The following SVOPL variants were observed in gnomAD, a reference collection of about 807,000 sequenced individuals.
SVOPL encodes putative transporter SVOPL.
Under a neutral mutation model 61.0 loss-of-function variants are expected in SVOPL, and 60 were observed. That is an observed-to-expected ratio of 0.98 (90% confidence interval 0.80 to 1.22). The LOEUF is 1.22. SVOPL is among the 50% of genes most tolerant of loss of function. The probability of loss-of-function intolerance (pLI) is 0.00; values close to 1 mark genes in which losing one functional copy is unlikely to be tolerated. For synonymous variants in SVOPL, 279 were observed against 250.0 expected (o/e 1.12, Z -1.09); for missense variants, 662 against 643.9 (o/e 1.03, Z -0.30).
chr7:138,651,791 T>C (rs945982786), intron 7 of SVOPL, among the ~76,000 whole-genome samples: 2 of 152,182 alleles, frequency 1.3e-5, no homozygotes, highest in Non-Finnish European at 2.9e-5. Flanking sequence ...CTTTGGTTTC[T>C]CTCCTCTCCT....
intron 7 of SVOPL, among the ~76,000 whole-genome samples, chr7:138,653,075 C>CA (rs1801518777): frequency 6.6e-6 from 1 of 152,186 alleles, no homozygotes; most frequent in Non-Finnish European, 1.5e-5. Context: ...GCCTAATCCA[C>CA]AGCAAGGCCC....
At chr7:138,666,196 C>T (rs995952919) in intron 4 of SVOPL, among the ~76,000 whole-genome samples, 3 of 152,226 alleles carry the variant, frequency 2.0e-5, no homozygotes, top group Non-Finnish European at 4.4e-5. Context: ...TTCCTGGATA[C>T]ACCTATGGCC....
At chr7:138,663,290 T>C in intron 4 of SVOPL, 145 bp from the exon 5 acceptor site, 2 of 1,481,894 alleles carry the variant, frequency 1.3e-6, no homozygotes, top group Non-Finnish European at 1.8e-6. Flanking sequence ...TTGGTCTTGC[T>C]TGCCCCTGAG....
chr7:138,663,240 C>T (rs535369462), intron 4 of SVOPL, 95 bp from the exon 5 acceptor site: 29 of 1,543,654 alleles, frequency 1.9e-5, no homozygotes, highest in African/African-American at 1.1e-4. Flanking sequence ...GCTGGAAATA[C>T]GGGAGGGATG....
chr7:138,637,461 T>TATATAG (rs1563108664), intron 9 of SVOPL, among the ~76,000 whole-genome samples: 12 of 13,026 alleles, frequency 9.2e-4, no homozygotes, highest in African/African-American at 2.9e-3. Context: ...GATAGATATA[T>TATATAG]ATATATAGAT....
At position 138,672,136 on chromosome 7, in the gene SVOPL, C is replaced by T; in HGVS notation, c.175-19G>A. The stretch of plus-strand genomic sequence containing the variant: ...CAACCACCTTAAAGAAGAGGGACAC[C>T]ATGCCATGTCTAAGTGCCAGCTTGT... On this transcript the variant is annotated intron_variant, in intron 3 of 15. Coordinates refer to ENST00000674285, the MANE Select transcript of SVOPL (RefSeq NM_001139456.2). 1 of 1,549,282 alleles carries T rather than the reference C, an allele frequency of 6.5e-7. No homozygotes were observed. Among genetic ancestry groups the T allele is most frequent in the South Asian group, 1.2e-5 (1 of 84,000 alleles).
chr7:138,622,070 GTATCTATCTATCTATCTATGTATCTATC>G (rs1799635617), intron 13 of SVOPL, among the ~76,000 whole-genome samples: 1 of 22,108 alleles, frequency 4.5e-5, no homozygotes, highest in African/African-American at 1.4e-4. Context: ...ATCTATCTAT[GTATCTATCTATCTATCTATGTATCTATC>G]TATCTATCTA....
intron 4 of SVOPL, chr7:138,664,161 C>A (rs928522154): frequency 1.1e-6 from 1 of 939,582 alleles, no homozygotes; most frequent in Non-Finnish European, 1.3e-6. Context: ...CTCAGTGGTG[C>A]CCCCTTCTTG....
chr7:138,697,989 C>T (rs913315168), intron 1 of SVOPL, among the ~76,000 whole-genome samples: 2 of 145,036 alleles, frequency 1.4e-5, no homozygotes, highest in African/African-American at 5.1e-5. Context: ...GAAGAAAGGA[C>T]AGAGGAAGGG....
chr7:138,644,711 A>G lies in SVOPL; in HGVS notation c.789+6T>C. 1 of 1,613,764 alleles carries G rather than the reference A, an allele frequency of 6.2e-7. No homozygotes were observed. Among genetic ancestry groups the G allele is most frequent in the Non-Finnish European group, 8.5e-7 (1 of 1,179,914 alleles). ...ATAGGAGAAGACCTCGGGGGCCAGC[A>G]CTCACCAGGACGGGCTCCACCAGCT... On this transcript the variant is annotated splice_donor_region_variant and intron_variant, in intron 9 of 15. Transcript: ENST00000674285.
intron 1 of SVOPL, among the ~76,000 whole-genome samples, chr7:138,690,378 A>G (rs1802914037): frequency 6.6e-6 from 1 of 152,024 alleles, no homozygotes; most frequent in Admixed American, 6.6e-5. Flanking sequence ...CTGGGAGCCA[A>G]AAGTAGGAAT....
At chr7:138,644,685 G>T (rs569230292) in intron 9 of SVOPL, 32 bp downstream of exon 9, 2 of 1,610,656 alleles carry the variant, frequency 1.2e-6, no homozygotes, top group African/African-American at 2.7e-5. Context: ...GGCCACTGGT[G>T]ATAGGAGAAG....
chr7:138,692,647 G>A (rs1003490798), intron 1 of SVOPL, among the ~76,000 whole-genome samples: 1 of 152,032 alleles, frequency 6.6e-6, no homozygotes, highest in Non-Finnish European at 1.5e-5. Context: ...TGATATGAAA[G>A]AAAATAAAAT....
At chr7:138,598,102 G>A (rs531072541) in intron 14 of SVOPL, among the ~76,000 whole-genome samples, 4 of 152,268 alleles carry the variant, frequency 2.6e-5, no homozygotes, top group African/African-American at 9.6e-5. Context: ...AGAACTCTGA[G>A]TAATACCTGA....
intron 14 of SVOPL, among the ~76,000 whole-genome samples, chr7:138,607,361 A>G (rs1173156374): frequency 6.6e-6 from 1 of 152,224 alleles, no homozygotes; most frequent in African/African-American, 2.4e-5. Flanking sequence ...ATATTGAGCA[A>G]TAAGAAATCC....
chr7:138,629,345 C>T (rs1372412552), intron 10 of SVOPL, among the ~76,000 whole-genome samples: 1 of 151,872 alleles, frequency 6.6e-6, no homozygotes, highest in Non-Finnish European at 1.5e-5. Context: ...ATTCTCCTGC[C>T]TCAGCCTCCC....
rs28503872 is a variant in SVOPL at position 138,663,736 on chromosome 7, G to A, written c.274-591C>T. Among the ~76,000 whole-genome samples, 998 of 152,250 alleles carry A rather than the reference G, an allele frequency of 6.6e-3. 22 individuals carry two copies. The highest frequency in any genetic ancestry group is 0.022 in the African/African-American group (931 of 41,546). On this transcript the variant is annotated intron_variant, in intron 4 of 15. Coordinates refer to ENST00000674285, the MANE Select transcript of SVOPL (RefSeq NM_001139456.2). ...TATAACTTGGCCTGAGACCTCAGCT[G>A]CTGTCTGTGCCTCTGGGCTCCTTAT...
intron 3 of SVOPL, among the ~76,000 whole-genome samples, chr7:138,675,761 C>T (rs183311712): frequency 2.1e-3 from 321 of 152,268 alleles, no homozygotes; most frequent in South Asian, 5.4e-3. Flanking sequence ...CGGCCCAACA[C>T]CATTGTTGAG....
At chr7:138,623,206 A>G (rs944370510) in intron 13 of SVOPL, among the ~76,000 whole-genome samples, 1 of 152,202 alleles carries the variant, frequency 6.6e-6, no homozygotes, top group Non-Finnish European at 1.5e-5. Flanking sequence ...CTTTGCTATA[A>G]TACTGATAAA....
Sources: gnomAD v4.1 joint callset for allele counts (sites outside exome capture counted in the v4.1 genomes callset) on GRCh38, gnomAD v4.1.1 for gene constraint, MANE v1.5 for transcripts, NCBI Gene and HGNC (gene_info 2026-07-23, HGNC 2026-07-21) for gene names.